NAV3: variants seen among roughly 807,000 people sequenced by gnomAD.
NAV3 encodes neuron navigator 3.
NAV3 carries 87 observed loss-of-function variants against 244.7 expected under a neutral mutation model. The ratio of observed to expected loss-of-function variants is 0.36; its 90% CI spans 0.30 to 0.42. NAV3 has a LOEUF of 0.42. Ranked by LOEUF, NAV3 falls within the 20% of genes least tolerant of loss-of-function variation. The pLI is 1.00. For missense variants in NAV3, 2,663 were observed against 2,893.3 expected (o/e 0.92, Z 1.83); for synonymous variants, 1,126 against 1,042.2 (o/e 1.08, Z -1.55).
chr12:77,944,756 T>C (rs1890173646), intron 3 of NAV3, among the ~76,000 whole-genome samples: 1 of 152,102 alleles, frequency 6.6e-6, no homozygotes, highest in African/African-American at 2.4e-5. Flanking sequence ...GATAGAGGTA[T>C]AGGAGTCAGG....
chr12:78,021,233 TG>T (rs1420176706), intron 8 of NAV3, among the ~76,000 whole-genome samples: 1 of 152,178 alleles, frequency 6.6e-6, no homozygotes, highest in Non-Finnish European at 1.5e-5. Context: ...AATGAGAATT[TG>T]TTTCTGGTTG....
intron 2 of NAV3, among the ~76,000 whole-genome samples, chr12:77,692,772 A>T (rs920453391): frequency 1.3e-5 from 2 of 152,112 alleles, no homozygotes; most frequent in African/African-American, 4.8e-5. Flanking sequence ...TTTTAAAAAA[A>T]ATATGTTTCT....
intron 5 of NAV3, among the ~76,000 whole-genome samples, chr12:77,992,278 C>T (rs1026508621): frequency 9.9e-5 from 15 of 152,014 alleles, no homozygotes; most frequent in African/African-American, 3.4e-4. Flanking sequence ...TCAGAGGTAT[C>T]GTGGGAAGTA....
At chr12:78,186,235 T>C (rs1243954310) in intron 31 of NAV3, among the ~76,000 whole-genome samples, 3 of 151,908 alleles carry the variant, frequency 2.0e-5, no homozygotes, top group African/African-American at 7.2e-5. Flanking sequence ...TGCCTTCAAA[T>C]TGGCAATGCC....
intron 1 of NAV3, among the ~76,000 whole-genome samples, chr12:77,866,396 C>T (rs1445221152): frequency 1.3e-5 from 2 of 152,144 alleles, no homozygotes; most frequent in African/African-American, 2.4e-5. Context: ...AACTTGAGTG[C>T]CTGCTGGCTC....
At chr12:77,919,390 A>G (rs1235546217) in intron 1 of NAV3, among the ~76,000 whole-genome samples, 7 of 152,054 alleles carry the variant, frequency 4.6e-5, no homozygotes, top group African/African-American at 1.7e-4. Context: ...GTATGTTACT[A>G]CATTCTTACA....
chr12:77,981,088 G>A (rs888832161), intron 5 of NAV3, among the ~76,000 whole-genome samples: 7 of 152,072 alleles, frequency 4.6e-5, no homozygotes, highest in African/African-American at 1.4e-4. Context: ...TCAGCCACCC[G>A]GTTACTAAAA....
rs74457940 is a variant in NAV3 at position 77,614,355 on chromosome 12, C to G, written c.72+42089C>G. Among the ~76,000 whole-genome samples, 1,381 of 152,128 alleles carry G rather than the reference C, an allele frequency of 9.1e-3. 19 individuals are homozygous for G. Among genetic ancestry groups the G allele is most frequent in the African/African-American group, 0.031 (1,307 of 41,500 alleles). On this transcript the variant is annotated intron_variant, in intron 2 of 8. Coordinates refer to the NAV3 transcript ENST00000550042. ...GGGCACAGACAACCTCTTCAACAGACAGCTTTTTGTAATGAAAGTGTCACC... is the reference window on the plus strand; with the variant it reads ...GGGCACAGACAACCTCTTCAACAGAGAGCTTTTTGTAATGAAAGTGTCACC...
intron 5 of NAV3, among the ~76,000 whole-genome samples, chr12:77,972,485 T>C (rs1363409249): frequency 6.6e-6 from 1 of 152,150 alleles, no homozygotes; most frequent in Non-Finnish European, 1.5e-5. Context: ...GGGTAAAGAT[T>C]CAATATCTTG....
chr12:77,648,604 T>C (rs1221005384), intron 2 of NAV3, among the ~76,000 whole-genome samples: 2 of 152,132 alleles, frequency 1.3e-5, no homozygotes, highest in Non-Finnish European at 2.9e-5. Context: ...ATATTGCTCA[T>C]TCAGTTATGA....
rs1353869483 is a variant in NAV3, at chr12:78,098,538, A to G, written c.2637-18234A>G. On this transcript the variant is annotated intron_variant, in intron 12 of 39. Transcript: ENST00000397909. ...TCAAACCTTACCATAAAAATGGAAT[A>G]TAAAAGAAGGAAGAGGAGGAGAAAT... Among the ~76,000 whole-genome samples the G allele has an allele frequency of 3.3e-5, 5 of 152,086 alleles. No homozygotes were observed. The East Asian group carries it at 9.6e-4, about 29-fold the overall frequency.
At position 78,211,108 on chromosome 12, in the gene NAV3, A is replaced by G. The variant is rs1301627856; in HGVS notation, c.*591A>G. 2 of 152,676 alleles carry G rather than the reference A, an allele frequency of 1.3e-5. No homozygotes were observed. Among genetic ancestry groups the G allele is most frequent in the African/African-American group, 4.8e-5 (2 of 41,426 alleles). 9.5% of individuals were successfully genotyped at this position (152,676 alleles called of 1,614,324 possible). ...TGGCAAACTGGAGAAGTGCCAATTT[A>G]ATTCTAACTGCCACGTTCTCATGAT... On this transcript the variant is annotated 3_prime_UTR_variant, in exon 40 of 40. Coordinates refer to ENST00000397909, the MANE Select transcript of NAV3 (RefSeq NM_001024383.2).
chr12:77,605,992 A>G (rs11105879), intron 2 of NAV3, among the ~76,000 whole-genome samples: 26,335 of 152,222 alleles, frequency 0.17, 2,607 homozygotes, highest in Admixed American at 0.23. Context: ...ATTTTAACAT[A>G]CAACCACTAT....
chr12:78,095,468 G>A (rs142080411), intron 12 of NAV3, among the ~76,000 whole-genome samples: 1 of 152,280 alleles, frequency 6.6e-6, no homozygotes, highest in East Asian at 1.9e-4. Flanking sequence ...CTATTCGTAG[G>A]TAAACAATGG....
chr12:77,711,667 G>A (rs1314271883), intron 2 of NAV3, among the ~76,000 whole-genome samples: 3 of 152,208 alleles, frequency 2.0e-5, no homozygotes, highest in Non-Finnish European at 4.4e-5. Flanking sequence ...TAGGCAGGGT[G>A]TCTGTGGAAC....
chr12:77,596,405 A>G (rs1870170674), intron 2 of NAV3, among the ~76,000 whole-genome samples: 1 of 152,198 alleles, frequency 6.6e-6, no homozygotes, highest in Non-Finnish European at 1.5e-5. Flanking sequence ...ATATTAGAAC[A>G]TAAATATTTT....
intron 2 of NAV3, among the ~76,000 whole-genome samples, chr12:77,685,779 T>G (rs711141): frequency 0.86 from 130,742 of 152,118 alleles, 57,465 homozygotes; most frequent in East Asian, 1. Flanking sequence ...GCCTAATGGG[T>G]TCCATTAACA....
chr12:77,732,885 A>G (rs1256491588), intron 2 of NAV3, among the ~76,000 whole-genome samples: 3 of 152,066 alleles, frequency 2.0e-5, no homozygotes, highest in Non-Finnish European at 4.4e-5. Flanking sequence ...GTAAGGCTGG[A>G]GCATAGATGT....
At chr12:78,184,194 T>A (rs781329991) in intron 30 of NAV3, among the ~76,000 whole-genome samples, 11 of 151,914 alleles carry the variant, frequency 7.2e-5, no homozygotes, top group Non-Finnish European at 1.5e-4. Flanking sequence ...TTGGTATTCA[T>A]TCCCAATATG....
Sources: gnomAD v4.1 joint callset for allele counts (sites outside exome capture counted in the v4.1 genomes callset) on GRCh38, gnomAD v4.1.1 for gene constraint, MANE v1.5 for transcripts, NCBI Gene and HGNC (gene_info 2026-07-23, HGNC 2026-07-21) for gene names.